MYO3B: variants seen among roughly 807,000 people sequenced by gnomAD.
MYO3B encodes the protein myosin IIIB, also known as myosin-IIIb.
In MYO3B, 156 loss-of-function variants were observed where a neutral mutation model predicts 174.6. That is an observed-to-expected ratio of 0.89 (90% CI 0.78 to 1.02). The LOEUF (loss-of-function observed/expected upper bound fraction) is 1.02, where lower values mean the gene tolerates loss of function less well. MYO3B is among the 50% of genes least tolerant of loss of function. The pLI is 0.00. For synonymous variants in MYO3B, 563 were observed against 569.1 expected, an observed-to-expected ratio of 0.99 and a Z score of 0.15; for missense variants, 1,632 against 1,639.4, an observed-to-expected ratio of 1.00 and a Z score of 0.08.
chr2:170,451,620 A>G (rs1024436014), intron 23 of MYO3B, among the ~76,000 whole-genome samples: 4 of 152,238 alleles, frequency 2.6e-5, no homozygotes, highest in African/African-American at 7.2e-5. Flanking sequence ...CTAACAAAAT[A>G]TTTGATTTAA....
At chr2:170,339,311 G>T (rs964678464) in intron 8 of MYO3B, among the ~76,000 whole-genome samples, 1 of 152,126 alleles carries the variant, frequency 6.6e-6, no homozygotes, top group Non-Finnish European at 1.5e-5. Context: ...AGAATAAATA[G>T]GACAAAAAGT....
Position 170,655,017 on chromosome 2 carries a change from G to T in MYO3B, c.*1896G>T, listed in dbSNP as rs1309748768. 3 of 152,090 alleles carry T rather than the reference G, an allele frequency of 2.0e-5. No homozygotes were observed. Among genetic ancestry groups the T allele is most frequent in the Admixed American group, 6.6e-5 (1 of 15,246 alleles). 9.4% of individuals were successfully genotyped at this position (152,090 alleles called of 1,614,324 possible). Reference sequence around the variant, plus strand: ...GGAAGTTTCACTTTTGTCACTGATTGTCTACTTTTGGTTTGATAATATGAG... The same window carrying T: ...GGAAGTTTCACTTTTGTCACTGATTTTCTACTTTTGGTTTGATAATATGAG... On this transcript the variant is annotated 3_prime_UTR_variant, in exon 35 of 35. Coordinates refer to ENST00000408978, the MANE Select transcript of MYO3B (RefSeq NM_138995.5).
chr2:170,179,348 A>T (rs1202677353), intron 1 of MYO3B, among the ~76,000 whole-genome samples: 1 of 152,214 alleles, frequency 6.6e-6, no homozygotes, highest in African/African-American at 2.4e-5. Flanking sequence ...AGCAGCATCC[A>T]GATAGGTGGT....
chr2:170,228,483 C>G (rs907274403), intron 6 of MYO3B, among the ~76,000 whole-genome samples: 1 of 152,106 alleles, frequency 6.6e-6, no homozygotes, highest in Non-Finnish European at 1.5e-5. Flanking sequence ...AGGACACATA[C>G]GAAATTTGGA....
chr2:170,650,562 C>T (rs532440702), intron 32 of MYO3B, among the ~76,000 whole-genome samples: 62 of 149,912 alleles, frequency 4.1e-4, no homozygotes, highest in Non-Finnish European at 7.8e-4. Context: ...GTGTGTGTGT[C>T]TGTGTGTGTG....
intron 6 of MYO3B, among the ~76,000 whole-genome samples, chr2:170,230,333 C>T (rs2093000778): frequency 7.4e-5 from 2 of 27,132 alleles, no homozygotes; most frequent in Admixed American, 4.6e-4. Context: ...CCACGCCTGG[C>T]TAATTTTTTT....
chr2:170,455,667 T>G (rs1484494850), intron 23 of MYO3B, among the ~76,000 whole-genome samples: 2 of 152,204 alleles, frequency 1.3e-5, no homozygotes, highest in Non-Finnish European at 2.9e-5. Context: ...TTGATAACTA[T>G]TTAAAATTCC....
rs5836276 is a variant in MYO3B, at chr2:170,411,007, ACC to A, written c.2650+3168_2650+3169del. On this transcript the variant is annotated intron_variant, in intron 22 of 34. Coordinates refer to ENST00000408978, the MANE Select transcript of MYO3B (RefSeq NM_138995.5). Reference sequence around the variant, plus strand: ...AGGCCGGTCTGGGCAACACAGTGACACCCCCCATCTCTGAAAAAAAATTAGAA... The same window carrying A: ...AGGCCGGTCTGGGCAACACAGTGACACCCCATCTCTGAAAAAAAATTAGAA... Among the ~76,000 whole-genome samples the A allele has an allele frequency of 3.0e-4, 45 of 152,106 alleles. No individual in the cohort carries two copies. In the South Asian group the frequency reaches 5.6e-3, roughly 19 times the overall value.
At chr2:170,310,271 C>A (rs1241962849) in intron 7 of MYO3B, among the ~76,000 whole-genome samples, 1 of 152,126 alleles carries the variant, frequency 6.6e-6, no homozygotes, top group Admixed American at 6.5e-5. Context: ...CGTGACAGTG[C>A]CCTCAGGAAG....
At chr2:170,436,600 C>T (rs2094756133) in intron 22 of MYO3B, among the ~76,000 whole-genome samples, 1 of 152,202 alleles carries the variant, frequency 6.6e-6, no homozygotes, top group Non-Finnish European at 1.5e-5. Flanking sequence ...TCTTGAGCAT[C>T]TTGCATATGC....
chr2:170,335,506 G>A lies in MYO3B; in HGVS notation c.815+56G>A, dbSNP rs201084679. The A allele has an allele frequency of 1.1e-3, 1,517 of 1,370,714 alleles. 1 individual carries two copies. Among genetic ancestry groups the A allele is most frequent in the Non-Finnish European group, 1.4e-3 (1,391 of 967,962 alleles). The allele number at this position is 1,370,714 out of a possible 1,614,324, so 84.9% of individuals were successfully genotyped here. On this transcript the variant is annotated intron_variant, in intron 8 of 34. Coordinates refer to ENST00000408978, the MANE Select transcript of MYO3B (RefSeq NM_138995.5). ...TCTAGCAAGGCCTTGAGCAGTGATT[G>A]GAGAAATCCAGGCTGTGGAATTTAC... is the stretch of plus-strand genomic sequence containing the variant.
chr2:170,309,024 G>A (rs1477588636), intron 7 of MYO3B, among the ~76,000 whole-genome samples: 1 of 152,168 alleles, frequency 6.6e-6, no homozygotes, highest in African/African-American at 2.4e-5. Flanking sequence ...TGTCTTTTGG[G>A]TGAATCTGGC....
intron 8 of MYO3B, among the ~76,000 whole-genome samples, chr2:170,361,812 A>G (rs2094163589): frequency 6.6e-6 from 1 of 152,132 alleles, no homozygotes; most frequent in South Asian, 2.1e-4. Flanking sequence ...TCTATAGTAT[A>G]GTCTCCTTTC....
intron 22 of MYO3B, among the ~76,000 whole-genome samples, chr2:170,410,592 G>A (rs140810067): frequency 0.052 from 5,702 of 110,034 alleles, 21 homozygotes; most frequent in South Asian, 0.064. Flanking sequence ...CAAAAAAAAA[G>A]AAAAAAAAAA....
At chr2:170,420,439 C>T (rs1213405352) in intron 22 of MYO3B, among the ~76,000 whole-genome samples, 1 of 151,994 alleles carries the variant, frequency 6.6e-6, no homozygotes, top group East Asian at 1.9e-4. Context: ...GCCTAAGGCA[C>T]AAGCAGAGAA....
chr2:170,624,169 G>A (rs1559170462), intron 32 of MYO3B, among the ~76,000 whole-genome samples: 1 of 152,170 alleles, frequency 6.6e-6, no homozygotes, highest in Non-Finnish European at 1.5e-5. Context: ...AGGGCAGTAT[G>A]GTCATTTTCA....
rs189101228 is a variant in MYO3B, at chr2:170,604,703, A to G, written c.3734-46925A>G. The stretch of plus-strand genomic sequence containing the variant: ...ACAAAGTAGGGATAGAAAAGCTATA[A>G]TAATTAAAGCAACCCAAACAATTTC... On this transcript the variant is annotated intron_variant, in intron 32 of 34. Transcript: ENST00000408978. Among the ~76,000 whole-genome samples, 11 of 152,198 alleles carry G rather than the reference A, an allele frequency of 7.2e-5. No individual in the cohort carries two copies. The East Asian group carries it at 1.5e-3, about 21-fold the overall frequency.
At chr2:170,573,321 A>T (rs1692571285) in intron 32 of MYO3B, among the ~76,000 whole-genome samples, 1 of 151,980 alleles carries the variant, frequency 6.6e-6, no homozygotes, top group Non-Finnish European at 1.5e-5. Context: ...AACTAGTAGG[A>T]TGTAGCATGC....
intron 7 of MYO3B, among the ~76,000 whole-genome samples, chr2:170,239,108 A>G (rs550680869): frequency 1.6e-4 from 24 of 152,218 alleles, no homozygotes; most frequent in African/African-American, 5.3e-4. Flanking sequence ...GTCTGCTGCT[A>G]TTTTTCCCCA....
Sources: allele counts gnomAD v4.1 joint callset (sites outside exome capture counted in the v4.1 genomes callset), GRCh38; gene constraint gnomAD v4.1.1; transcripts MANE v1.5; gene names NCBI Gene and HGNC (gene_info 2026-07-23, HGNC 2026-07-21).